Variants in BCL11B observed in about 807,000 individuals in gnomAD.
BCL11B encodes B-cell lymphoma/leukemia 11B.
BCL11B carries 8 observed loss-of-function variants against 49.9 expected under a neutral mutation model. The observed-to-expected ratio is 0.16, with a 90% confidence interval of 0.09 to 0.29. BCL11B has a LOEUF of 0.29. Among genes scored for constraint, BCL11B ranks in the 10% least tolerant of loss-of-function variants. The pLI is 1.00. For synonymous variants in BCL11B, 739 were observed against 637.4 expected (o/e 1.16, Z -2.40); for missense variants, 1,006 against 1,351.0 (o/e 0.74, Z 4.00).
At chr14:99,250,182 C>A (rs978729439) in intron 2 of BCL11B, among the ~76,000 whole-genome samples, 1 of 151,782 alleles carries the variant, frequency 6.6e-6, no homozygotes, top group Non-Finnish European at 1.5e-5. Flanking sequence ...ACTACAGGCA[C>A]CCGCCACCAT....
chr14:99,265,130 A>G (rs745954087), intron 1 of BCL11B, among the ~76,000 whole-genome samples: 24 of 152,146 alleles, frequency 1.6e-4, no homozygotes, highest in Non-Finnish European at 2.8e-4. Flanking sequence ...GACAAAGCAT[A>G]CTCACGGCAG....
chr14:99,229,043 C>CATGGATGGATGGATGGATGG (rs1181779397), intron 3 of BCL11B, among the ~76,000 whole-genome samples: 6 of 104,842 alleles, frequency 5.7e-5, no homozygotes, highest in East Asian at 5.6e-4. Flanking sequence ...TGGATGGATG[C>CATGGATGGATGGATGGATGG]ATGGATGGAT....
rs573517456 is a variant in BCL11B, at chr14:99,184,828, T to C, written c.641-8633A>G. Among the ~76,000 whole-genome samples, 2 of 152,280 alleles carry C rather than the reference T, an allele frequency of 1.3e-5. No homozygotes were observed. Among genetic ancestry groups the C allele is most frequent in the Admixed American group, 1.3e-4 (2 of 15,302 alleles). ...GAAAACCTCGCTCACCCCATAGTGT[T>C]GGGTGACCGTCCACTTACCCTCATG... On this transcript the variant is annotated intron_variant, in intron 3 of 3. Transcript: ENST00000357195. This position sits in a 1 kb window ranked among gnomAD's most constrained non-coding sequence, Gnocchi z 6.1.
intron 2 of BCL11B, among the ~76,000 whole-genome samples, chr14:99,240,701 G>A (rs547939419): frequency 3.3e-5 from 5 of 152,294 alleles, no homozygotes; most frequent in East Asian, 1.9e-4. Flanking sequence ...CGTGAAATCC[G>A]TTTTCATCTC....
At chr14:99,223,416 G>A (rs1211727725) in intron 3 of BCL11B, among the ~76,000 whole-genome samples, 4 of 152,144 alleles carry the variant, frequency 2.6e-5, no homozygotes, top group Non-Finnish European at 5.9e-5. Flanking sequence ...GGAGCCAGGG[G>A]CCAGAATTGC....
intron 3 of BCL11B, among the ~76,000 whole-genome samples, chr14:99,214,943 A>T (rs1391451924): frequency 1.3e-5 from 2 of 152,110 alleles, no homozygotes; most frequent in Admixed American, 6.5e-5. Context: ...TGAGTTCATC[A>T]AGCATGCAGG....
intron 3 of BCL11B, among the ~76,000 whole-genome samples, chr14:99,196,080 C>T (rs929587428): frequency 1.1e-4 from 16 of 152,158 alleles, no homozygotes; most frequent in Admixed American, 4.6e-4. Context: ...TCCGAGGCTT[C>T]GAGAGGGCAG....
intron 3 of BCL11B, among the ~76,000 whole-genome samples, chr14:99,220,003 C>G (rs1887961815): frequency 6.6e-6 from 1 of 152,062 alleles, no homozygotes; most frequent in African/African-American, 2.4e-5. Context: ...GGTTTATTAC[C>G]CACCTAACTT....
chr14:99,234,855 C>CAAAAAA (rs34831762), intron 2 of BCL11B, among the ~76,000 whole-genome samples: 3 of 66,634 alleles, frequency 4.5e-5, no homozygotes, highest in Non-Finnish European at 5.5e-5. Context: ...GGTCTATGCA[C>CAAAAAA]AAAAAAAAAA....
At chr14:99,224,825 C>T (rs1247622284) in intron 3 of BCL11B, among the ~76,000 whole-genome samples, 2 of 152,276 alleles carry the variant, frequency 1.3e-5, no homozygotes, top group African/African-American at 2.4e-5. Flanking sequence ...AGGGAAGGAC[C>T]GAGGATGGCC....
At chr14:99,235,174 C>T (rs551623080) in intron 2 of BCL11B, among the ~76,000 whole-genome samples, 1 of 152,366 alleles carries the variant, frequency 6.6e-6, no homozygotes, top group Non-Finnish European at 1.5e-5. Context: ...CTGGGGCGTC[C>T]CCTCCCAAAT....
In BCL11B at chr14:99,170,330, T is replaced by C. The variant is rs1467035593; in HGVS notation, c.*3821A>G. On this transcript the variant is annotated 3_prime_UTR_variant, in exon 4 of 4. Coordinates refer to ENST00000357195, the MANE Select transcript of BCL11B (RefSeq NM_138576.4). ...GCATCGAACAGAAAAGCTTCTGCAT[T>C]TGGTAAGGAATTGCCCAAAAGGATG... is the stretch of plus-strand genomic sequence containing the variant. The C allele has an allele frequency of 4.5e-6, 1 of 222,010 alleles. No homozygotes were observed. Among genetic ancestry groups the C allele is most frequent in the Non-Finnish European group, 9.0e-6 (1 of 111,018 alleles). The allele number at this position is 222,010 out of a possible 1,614,324, so 13.8% of individuals were successfully genotyped here. A position where few individuals can be genotyped will look rare whatever the true frequency, so the allele number is the denominator to read the frequency against.
Position 99,171,354 on chromosome 14 carries a change from T to A in BCL11B, c.*2797A>T. ...AATAGGACTTAACATACAAATGTGT[T>A]TTTTTTGCAATATTTTATCCTGCCA... On this transcript the variant is annotated 3_prime_UTR_variant, in exon 4 of 4. Transcript: ENST00000357195. 4.5e-6 allele frequency: 1 copy of A among 222,808 alleles called. No individual in the cohort carries two copies. The highest frequency in any genetic ancestry group is 6.6e-5 in the East Asian group (1 of 15,080). 13.8% of individuals were successfully genotyped at this position (222,808 alleles called of 1,614,324 possible). A position where few individuals can be genotyped will look rare whatever the true frequency, so the allele number is the denominator to read the frequency against.
chr14:99,249,254 C>T (rs1466350132), intron 2 of BCL11B, among the ~76,000 whole-genome samples: 1 of 152,060 alleles, frequency 6.6e-6, no homozygotes, highest in East Asian at 1.9e-4. Context: ...AGACCCAGGG[C>T]CTCCCTGGGA....
intron 1 of BCL11B, among the ~76,000 whole-genome samples, chr14:99,267,528 A>C (rs1595088028): frequency 9.6e-6 from 1 of 104,258 alleles, no homozygotes; most frequent in East Asian, 3.7e-4. Flanking sequence ...TTCTGTGCAG[A>C]AGGGAGAGGA....
chr14:99,185,458 A>C (rs373669365), intron 3 of BCL11B, among the ~76,000 whole-genome samples: 2 of 115,184 alleles, frequency 1.7e-5, no homozygotes, highest in Admixed American at 8.6e-5. Context: ...AAAAAAAAAA[A>C]AAAACTATAT....
rs1242736072 is a variant in BCL11B at position 99,228,972 on chromosome 14, A to C, written c.640+2373T>G. ...GGTGGATGGATGGATGCATGGATGG[A>C]TGCATGGATGGATGGATGGCTACAT... On this transcript the variant is annotated intron_variant, in intron 3 of 3. Coordinates refer to ENST00000357195, the MANE Select transcript of BCL11B (RefSeq NM_138576.4). This position sits in a 1 kb window ranked among gnomAD's most constrained non-coding sequence, Gnocchi z 4.8. 1.3e-5 allele frequency among the ~76,000 whole-genome samples: 2 copies of C among 151,926 alleles called. No homozygotes were observed. The highest frequency in any genetic ancestry group is 4.8e-5 in the African/African-American group (2 of 41,358).
intron 3 of BCL11B, among the ~76,000 whole-genome samples, chr14:99,204,443 C>G (rs1887476476): frequency 6.6e-6 from 1 of 152,198 alleles, no homozygotes; most frequent in African/African-American, 2.4e-5. Flanking sequence ...CACCCAACAG[C>G]CTTGGGGTAG....
rs1249825965 is a variant in BCL11B, at chr14:99,248,299, G to C, written c.427+9172C>G. Among the ~76,000 whole-genome samples the C allele has an allele frequency of 6.6e-6, 1 of 152,082 alleles. No homozygotes were observed. The highest frequency in any genetic ancestry group is 1.5e-5 in the Non-Finnish European group (1 of 68,032). ...AAAAACAAAATAAAATGAAGCCTCG[G>C]GTGCCTTGCCTTCTCCAGCAAGGCC... On this transcript the variant is annotated intron_variant, in intron 2 of 3. Transcript: ENST00000357195. This position sits in a 1 kb window ranked among gnomAD's most constrained non-coding sequence, Gnocchi z 4.7.
Sources: gnomAD v4.1 joint callset for allele counts (sites outside exome capture counted in the v4.1 genomes callset) on GRCh38, gnomAD v4.1.1 for gene constraint, Gnocchi (gnomAD v3.1) non-coding constraint, MANE v1.5 for transcripts, NCBI Gene and HGNC (gene_info 2026-07-23, HGNC 2026-07-21) for gene names.